Variants in FAR2 observed in about 807,000 individuals in gnomAD.
FAR2 encodes the protein epididymis secretory protein Li 81.
FAR2 carries 19 observed loss-of-function variants against 56.0 expected under a neutral mutation model. That is an observed-to-expected ratio of 0.34 (90% CI 0.24 to 0.50). The LOEUF (loss-of-function observed/expected upper bound fraction) is 0.50, where lower values mean the gene tolerates loss of function less well. Ranked by LOEUF, FAR2 falls within the 20% of genes least tolerant of loss-of-function variation. FAR2 has a pLI of 0.98. For missense variants in FAR2, 508 were observed against 642.2 expected (o/e 0.79, Z 2.26); for synonymous variants, 219 against 218.8 (o/e 1.00, Z -0.01).
At chr12:29,283,155 C>T (rs1296473035) in intron 2 of FAR2, among the ~76,000 whole-genome samples, 2 of 152,086 alleles carry the variant, frequency 1.3e-5, no homozygotes, top group African/African-American at 2.4e-5. Context: ...AAGTGTTAGA[C>T]AAGTATCCAG....
chr12:29,306,007 T>C (rs1949250017), intron 4 of FAR2, among the ~76,000 whole-genome samples: 1 of 152,112 alleles, frequency 6.6e-6, no homozygotes, highest in South Asian at 2.1e-4. Context: ...TACAGCTTTA[T>C]TGAAATTAAG....
chr12:29,267,895 A>G (rs79676581), intron 1 of FAR2, among the ~76,000 whole-genome samples: 2,120 of 152,220 alleles, frequency 0.014, 43 homozygotes, highest in African/African-American at 0.048. Context: ...GATCTTGTTT[A>G]TATGTTTATT....
At chr12:29,280,359 A>C (rs1948768184) in intron 2 of FAR2, 1 of 152,206 alleles carries the variant, frequency 6.6e-6, no homozygotes, top group Non-Finnish European at 1.5e-5. Flanking sequence ...ATATTCCTGC[A>C]TTCTCTTTTC....
At chr12:29,298,552 T>A (rs1002439375) in intron 4 of FAR2, among the ~76,000 whole-genome samples, 2 of 152,276 alleles carry the variant, frequency 1.3e-5, no homozygotes, top group African/African-American at 4.8e-5. Context: ...ATCTAAAGGA[T>A]CTGGAGGTTA....
At chr12:29,296,015 G>A (rs1252299892) in intron 3 of FAR2, among the ~76,000 whole-genome samples, 2 of 151,552 alleles carry the variant, frequency 1.3e-5, no homozygotes, top group Non-Finnish European at 2.9e-5. Flanking sequence ...TGATCCACCC[G>A]CCTCGGCCTC....
chr12:29,276,650 A>G (rs1442969517), intron 2 of FAR2, among the ~76,000 whole-genome samples: 2 of 152,220 alleles, frequency 1.3e-5, no homozygotes, highest in Non-Finnish European at 2.9e-5. Context: ...TTGGCTGTGG[A>G]TAAAGCTCTG....
intron 11 of FAR2, 73 bp downstream of exon 11, chr12:29,332,800 G>C: frequency 7.2e-7 from 1 of 1,380,458 alleles, no homozygotes; most frequent in African/African-American, 1.4e-5. Flanking sequence ...CATAACATTT[G>C]TGCAGAGGAG....
At position 29,325,990 on chromosome 12, in the gene FAR2, T is replaced by C. The variant is rs547830891; in HGVS notation, c.1257+4066T>C. 2.6e-5 allele frequency among the ~76,000 whole-genome samples: 4 copies of C among 151,968 alleles called. No individual in the cohort carries two copies. In the South Asian group the frequency reaches 8.3e-4, roughly 32 times the overall value. On this transcript the variant is annotated intron_variant, in intron 10 of 11. Transcript: ENST00000536681. Reference sequence around the variant, plus strand: ...TGGTTTTTTGAAAAGATCAACAAAATTGATAGACTGCTAGCAAGACTAATA... The same window carrying C: ...TGGTTTTTTGAAAAGATCAACAAAACTGATAGACTGCTAGCAAGACTAATA...
intron 1 of FAR2, among the ~76,000 whole-genome samples, chr12:29,207,453 CCAA>C (rs1947488700): frequency 6.6e-6 from 1 of 152,142 alleles, no homozygotes; most frequent in African/African-American, 2.4e-5. Flanking sequence ...TTTAGTCTCT[CCAA>C]CAAGGTAAAG....
At chr12:29,174,423 C>CTTTTTTTTTTTTTTTTTTT (rs55827253) in intron 1 of FAR2, among the ~76,000 whole-genome samples, 1 of 55,422 alleles carries the variant, frequency 1.8e-5, no homozygotes, top group Non-Finnish European at 2.9e-5. Context: ...GGTTTTTATT[C>CTTTTTTTTTTTTTTTTTTT]TTTTTTTTTT....
At chr12:29,290,001 C>A (rs994052693) in intron 2 of FAR2, among the ~76,000 whole-genome samples, 1 of 151,974 alleles carries the variant, frequency 6.6e-6, no homozygotes, top group Non-Finnish European at 1.5e-5. Context: ...ATTATTTCAC[C>A]CCAGTTAAAA....
At chr12:29,216,476 C>T (rs577574341) in intron 1 of FAR2, among the ~76,000 whole-genome samples, 1 of 152,188 alleles carries the variant, frequency 6.6e-6, no homozygotes, top group South Asian at 2.1e-4. Flanking sequence ...CTCATGTGTA[C>T]AGCAGATGCT....
chr12:29,272,126 A>T (rs970184639), intron 2 of FAR2, among the ~76,000 whole-genome samples: 4 of 152,118 alleles, frequency 2.6e-5, no homozygotes, highest in Non-Finnish European at 5.9e-5. Flanking sequence ...TGATCTTCTC[A>T]TGGAGTATCT....
chr12:29,287,328 G>A (rs1424411960), intron 2 of FAR2, among the ~76,000 whole-genome samples: 2 of 152,166 alleles, frequency 1.3e-5, no homozygotes, highest in Non-Finnish European at 2.9e-5. Flanking sequence ...CACTAAAAAC[G>A]TCTAGATTAA....
At chr12:29,303,847 A>G (rs1230726772) in intron 4 of FAR2, among the ~76,000 whole-genome samples, 1 of 152,238 alleles carries the variant, frequency 6.6e-6, no homozygotes, top group Non-Finnish European at 1.5e-5. Context: ...CAGGCTTTAA[A>G]TTACAAACCA....
intron 1 of FAR2, among the ~76,000 whole-genome samples, chr12:29,190,272 A>G (rs1950090416): frequency 6.6e-6 from 1 of 151,670 alleles, no homozygotes; most frequent in Admixed American, 6.6e-5. Context: ...TGGTAATTGA[A>G]GCCAGGGGGC....
intron 1 of FAR2, among the ~76,000 whole-genome samples, chr12:29,185,213 T>A (rs986808200): frequency 2.6e-5 from 4 of 152,336 alleles, no homozygotes; most frequent in African/African-American, 9.6e-5. Flanking sequence ...CAGCATATGG[T>A]TAAATTTCAA....
chr12:29,224,989 C>T (rs1400708414), intron 1 of FAR2, among the ~76,000 whole-genome samples: 1 of 152,174 alleles, frequency 6.6e-6, no homozygotes, highest in African/African-American at 2.4e-5. Flanking sequence ...GAGGCCAAGA[C>T]AGGTGCCTCC....
intron 1 of FAR2, among the ~76,000 whole-genome samples, chr12:29,184,848 A>T (rs993067090): frequency 2.6e-5 from 4 of 152,152 alleles, no homozygotes; most frequent in Non-Finnish European, 5.9e-5. Context: ...TCTCTCCTTC[A>T]TTTTTAAGAA....
Sources: gnomAD v4.1 joint callset for allele counts (sites outside exome capture counted in the v4.1 genomes callset) on GRCh38, gnomAD v4.1.1 for gene constraint, MANE v1.5 for transcripts, NCBI Gene and HGNC (gene_info 2026-07-23, HGNC 2026-07-21) for gene names.